The following PTPRR variants were observed in gnomAD, a reference collection of about 807,000 sequenced individuals.
The protein encoded by PTPRR is protein tyrosine phosphatase receptor type R.
PTPRR carries 38 observed loss-of-function variants against 77.2 expected under a neutral mutation model. The observed-to-expected ratio is 0.49, with a 90% CI of 0.38 to 0.65. The LOEUF (loss-of-function observed/expected upper bound fraction) is 0.65. Ranked by LOEUF, PTPRR falls within the 30% of genes least tolerant of loss-of-function variation. PTPRR has a pLI of 0.00. For missense variants in PTPRR, 744 were observed against 799.2 expected, an observed-to-expected ratio of 0.93 and a Z score of 0.83; for synonymous variants, 299 against 283.1, an observed-to-expected ratio of 1.06 and a Z score of -0.57.
At chr12:70,854,366 C>T (rs2137072472) in intron 2 of PTPRR, among the ~76,000 whole-genome samples, 1 of 152,308 alleles carries the variant, frequency 6.6e-6, no homozygotes, top group East Asian at 1.9e-4. Context: ...CACAACGAGA[C>T]ACACTGCATT....
chr12:70,656,673 T>G, intron 13 of PTPRR, 31 bp downstream of exon 13: 1 of 1,465,686 alleles, frequency 6.8e-7, no homozygotes, highest in Non-Finnish European at 9.6e-7. Context: ...ATGAAAACAG[T>G]GCTCTGAAGG....
At chr12:70,760,472 A>G (rs1890666900) in intron 4 of PTPRR, among the ~76,000 whole-genome samples, 1 of 152,190 alleles carries the variant, frequency 6.6e-6, no homozygotes, top group Non-Finnish European at 1.5e-5. Context: ...TTTACTGTAA[A>G]GGTGAATAGA....
intron 10 of PTPRR, among the ~76,000 whole-genome samples, chr12:70,680,773 C>A (rs1887625501): frequency 6.6e-6 from 1 of 152,158 alleles, no homozygotes; most frequent in Admixed American, 6.5e-5. Flanking sequence ...AAATGACATG[C>A]CCAGCTGGTG....
intron 2 of PTPRR, among the ~76,000 whole-genome samples, chr12:70,789,214 A>G (rs1565697781): frequency 6.6e-6 from 1 of 152,140 alleles, no homozygotes; most frequent in Non-Finnish European, 1.5e-5. Flanking sequence ...TACATATGTA[A>G]CAAACCTGCA....
Position 70,799,337 on chromosome 12 carries a change from A to C in PTPRR, c.358-34559T>G, listed in dbSNP as rs556744785. On this transcript the variant is annotated intron_variant, in intron 2 of 13. Transcript: ENST00000283228. Reference sequence around the variant, plus strand: ...TCAATGTATTATTTCATAATTACTTAAGTATATTGTTCTTGATTCCTCAGT... The same window carrying C: ...TCAATGTATTATTTCATAATTACTTCAGTATATTGTTCTTGATTCCTCAGT... Among the ~76,000 whole-genome samples, 83 of 152,298 alleles carry C rather than the reference A, an allele frequency of 5.4e-4. 1 individual carries two copies. Among genetic ancestry groups the C allele is most frequent in the African/African-American group, 2.0e-3 (82 of 41,572 alleles).
chr12:70,655,275 C>A (rs1886535202), intron 13 of PTPRR, among the ~76,000 whole-genome samples: 1 of 152,158 alleles, frequency 6.6e-6, no homozygotes, highest in Non-Finnish European at 1.5e-5. Flanking sequence ...GAAACTGGAA[C>A]CCTCCTGTGT....
At chr12:70,788,780 C>T (rs769656809) in intron 2 of PTPRR, 163 of 1,357,924 alleles carry the variant, frequency 1.2e-4, no homozygotes, top group South Asian at 4.5e-4. Flanking sequence ...AACATTACAC[C>T]GAGGACCCTC....
intron 2 of PTPRR, among the ~76,000 whole-genome samples, chr12:70,795,842 A>G (rs1891500495): frequency 6.6e-6 from 1 of 150,516 alleles, no homozygotes. Context: ...GTTTTGAGGA[A>G]GGCAATTGCT....
chr12:70,920,212 T>C, intron 1 of PTPRR, 121 bp downstream of exon 1: 1 of 1,051,382 alleles, frequency 9.5e-7, no homozygotes, highest in South Asian at 1.4e-5. Flanking sequence ...TGTCAGGTAC[T>C]GTCCTGTTTT....
At chr12:70,748,820 A>G (rs1317113285) in intron 5 of PTPRR, among the ~76,000 whole-genome samples, 1 of 152,200 alleles carries the variant, frequency 6.6e-6, no homozygotes. Flanking sequence ...ATTAGTTCTG[A>G]AAGAGTTCAT....
At chr12:70,700,014 G>C (rs1025870149) in intron 7 of PTPRR, among the ~76,000 whole-genome samples, 1 of 152,120 alleles carries the variant, frequency 6.6e-6, no homozygotes, top group East Asian at 1.9e-4. Context: ...GAAAAAAAAA[G>C]CTCTAGGTGT....
chr12:70,909,520 T>A (rs1327221983), intron 1 of PTPRR, among the ~76,000 whole-genome samples: 1 of 152,214 alleles, frequency 6.6e-6, no homozygotes, highest in Non-Finnish European at 1.5e-5. Flanking sequence ...GGTACACCTG[T>A]AACTTAATCT....
chr12:70,682,061 T>C (rs1272696839), intron 10 of PTPRR, among the ~76,000 whole-genome samples: 57 of 90,940 alleles, frequency 6.3e-4, no homozygotes, highest in African/African-American at 1.8e-3. Flanking sequence ...TTTTTTTTTT[T>C]GAGACGGAGT....
Position 70,725,607 on chromosome 12 carries a change from A to G in PTPRR, c.1007+20211T>C, listed in dbSNP as rs138490872. On this transcript the variant is annotated intron_variant, in intron 6 of 13. Coordinates refer to ENST00000283228, the MANE Select transcript of PTPRR (RefSeq NM_002849.4). ...TGGGGACTGATTATTAGGGGGAAAA[A>G]GTACCGAGAGCCAACTTAGGTGAGT... 5.4e-4 allele frequency among the ~76,000 whole-genome samples: 83 copies of G among 152,298 alleles called. 1 individual carries two copies. The East Asian group carries it at 0.015, about 27-fold the overall frequency.
At chr12:70,801,130 C>T (rs1891607817) in intron 2 of PTPRR, among the ~76,000 whole-genome samples, 1 of 152,060 alleles carries the variant, frequency 6.6e-6, no homozygotes. Flanking sequence ...TAGGTTATGA[C>T]CCTGAATCTT....
At chr12:70,908,888 T>C (rs1296402439) in intron 1 of PTPRR, among the ~76,000 whole-genome samples, 6 of 152,206 alleles carry the variant, frequency 3.9e-5, no homozygotes, top group Non-Finnish European at 8.8e-5. Context: ...GGAAGGGCCA[T>C]ATAATTAACA....
intron 2 of PTPRR, among the ~76,000 whole-genome samples, chr12:70,807,926 C>A (rs922393337): frequency 6.6e-6 from 1 of 152,132 alleles, no homozygotes; most frequent in Non-Finnish European, 1.5e-5. Flanking sequence ...TTTCAGGGAA[C>A]AAAGGAGATA....
intron 2 of PTPRR, among the ~76,000 whole-genome samples, chr12:70,852,182 A>T (rs958018183): frequency 2.6e-5 from 4 of 152,148 alleles, no homozygotes; most frequent in African/African-American, 9.7e-5. Context: ...TCAAGTCAAA[A>T]TCCAAAGTCA....
chr12:70,889,702 G>C lies in PTPRR; in HGVS notation c.357+2977C>G, dbSNP rs78811002. On this transcript the variant is annotated intron_variant, in intron 2 of 13. Transcript: ENST00000283228. The stretch of plus-strand genomic sequence containing the variant: ...AATGCTTCCTGCTTCCCTAAAAACT[G>C]CCTCTGTATCCTCTCCTCCCTTCTC... Among the ~76,000 whole-genome samples the C allele has an allele frequency of 9.0e-3, 1,365 of 151,978 alleles. 11 individuals are homozygous for C. Among genetic ancestry groups the C allele is most frequent in the South Asian group, 0.042 (201 of 4,802 alleles).
Sources: allele counts gnomAD v4.1 joint callset (sites outside exome capture counted in the v4.1 genomes callset), GRCh38; gene constraint gnomAD v4.1.1; transcripts MANE v1.5; gene names NCBI Gene and HGNC (gene_info 2026-07-23, HGNC 2026-07-21).